NKAIN3: variants seen among roughly 807,000 people sequenced by gnomAD.
NKAIN3 encodes sodium/potassium transporting ATPase interacting 3.
NKAIN3 carries 25 observed loss-of-function variants against 30.2 expected under a neutral mutation model. The observed-to-expected ratio is 0.83, with a 90% CI of 0.60 to 1.16. The LOEUF (loss-of-function observed/expected upper bound fraction) is 1.16. Among genes scored for constraint, NKAIN3 ranks in the 50% most tolerant of loss-of-function variants. The probability of loss-of-function intolerance (pLI) is 0.00; values close to 1 mark genes in which losing one functional copy is unlikely to be tolerated. For missense variants in NKAIN3, 225 were observed against 254.1 expected, an observed-to-expected ratio of 0.89 and a Z score of 0.78; for synonymous variants, 91 against 89.6, an observed-to-expected ratio of 1.02 and a Z score of -0.09.
At chr8:62,783,325 TGCAAGAAATCA>T (rs1817416760) in intron 4 of NKAIN3, among the ~76,000 whole-genome samples, 1 of 152,110 alleles carries the variant, frequency 6.6e-6, no homozygotes. Flanking sequence ...GTGAAGTCAC[TGCAAGAAATCA>T]GCAGTCTGCA....
chr8:62,855,521 G>T, intron 4 of NKAIN3: 1 of 1,436,172 alleles, frequency 7.0e-7, no homozygotes, highest in Non-Finnish European at 9.8e-7. Flanking sequence ...GTAATCTGGT[G>T]GGTAAACAAG....
intron 1 of NKAIN3, among the ~76,000 whole-genome samples, chr8:62,480,014 CTT>C (rs1207954237): frequency 5.3e-5 from 8 of 152,096 alleles, no homozygotes; most frequent in Non-Finnish European, 1.2e-4. Flanking sequence ...TAAAGGAACA[CTT>C]TGTTTTTATA....
At chr8:62,858,130 A>T (rs1820119166) in intron 4 of NKAIN3, among the ~76,000 whole-genome samples, 1 of 151,978 alleles carries the variant, frequency 6.6e-6, no homozygotes, top group African/African-American at 2.4e-5. Flanking sequence ...GTTTGCTGGG[A>T]GTCTGCTCCA....
chr8:62,663,262 G>T (rs1812998912), intron 3 of NKAIN3, among the ~76,000 whole-genome samples: 1 of 152,176 alleles, frequency 6.6e-6, no homozygotes, highest in African/African-American at 2.4e-5. Flanking sequence ...AGAGTGGCAT[G>T]ATCTGGCCTG....
intron 1 of NKAIN3, among the ~76,000 whole-genome samples, chr8:62,406,645 G>A (rs1036401627): frequency 6.6e-6 from 1 of 152,046 alleles, no homozygotes; most frequent in East Asian, 1.9e-4. Flanking sequence ...TATACATTGA[G>A]ATACCATTTA....
chr8:62,610,877 A>G (rs1422496184), intron 3 of NKAIN3, among the ~76,000 whole-genome samples: 3 of 152,086 alleles, frequency 2.0e-5, no homozygotes, highest in African/African-American at 7.2e-5. Flanking sequence ...TACGTTTTTT[A>G]CTATGTTCTT....
chr8:62,499,450 A>C (rs1241378970), intron 1 of NKAIN3, among the ~76,000 whole-genome samples: 1 of 152,212 alleles, frequency 6.6e-6, no homozygotes, highest in Non-Finnish European at 1.5e-5. Context: ...AATGATTCCC[A>C]AAACCAACTT....
intron 1 of NKAIN3, among the ~76,000 whole-genome samples, chr8:62,570,994 G>A (rs1026400555): frequency 1.3e-5 from 2 of 152,094 alleles, no homozygotes; most frequent in African/African-American, 4.8e-5. Flanking sequence ...TCTAGCCTAC[G>A]AATTCATGTG....
chr8:62,612,033 A>G (rs1811310049), intron 3 of NKAIN3, among the ~76,000 whole-genome samples: 1 of 152,052 alleles, frequency 6.6e-6, no homozygotes, highest in South Asian at 2.1e-4. Flanking sequence ...CATTTCTCTG[A>G]TGATCAATGA....
intron 3 of NKAIN3, among the ~76,000 whole-genome samples, chr8:62,744,552 G>T (rs1356545817): frequency 6.6e-6 from 1 of 152,186 alleles, no homozygotes; most frequent in African/African-American, 2.4e-5. Context: ...TGAATTTTGA[G>T]ATCATGCTAG....
intron 1 of NKAIN3, among the ~76,000 whole-genome samples, chr8:62,525,733 A>G: frequency 6.6e-6 from 1 of 152,112 alleles, no homozygotes; most frequent in East Asian, 1.9e-4. Flanking sequence ...TAACTGAAAA[A>G]CAACCCCCAA....
chr8:62,880,311 G>A (rs909157427), intron 4 of NKAIN3, among the ~76,000 whole-genome samples: 1 of 152,150 alleles, frequency 6.6e-6, no homozygotes, highest in Non-Finnish European at 1.5e-5. Context: ...GAAGCCAGGG[G>A]ACTGAATTCA....
At chr8:62,400,521 G>A (rs1168450762) in intron 1 of NKAIN3, among the ~76,000 whole-genome samples, 1 of 152,070 alleles carries the variant, frequency 6.6e-6, no homozygotes, top group African/African-American at 2.4e-5. Context: ...TTGACTAGAA[G>A]TATGAACCAT....
chr8:62,962,475 G>A (rs191346795), intron 6 of NKAIN3, among the ~76,000 whole-genome samples: 25 of 152,278 alleles, frequency 1.6e-4, no homozygotes, highest in East Asian at 1.2e-3. Context: ...CTAATGAATA[G>A]GTAAAAAGAA....
At chr8:62,532,215 C>T (rs150545242) in intron 1 of NKAIN3, among the ~76,000 whole-genome samples, 133 of 152,218 alleles carry the variant, frequency 8.7e-4, no homozygotes, top group African/African-American at 3.2e-3. Flanking sequence ...CATGCCATCA[C>T]ACTGATAAGG....
chr8:62,286,393 T>C (rs1202941918), intron 1 of NKAIN3, among the ~76,000 whole-genome samples: 1 of 152,170 alleles, frequency 6.6e-6, no homozygotes, highest in Non-Finnish European at 1.5e-5. Flanking sequence ...CAGTATTTTT[T>C]TTTAAATGAA....
intron 4 of NKAIN3, among the ~76,000 whole-genome samples, chr8:62,914,777 C>CTTTTTTT (rs34474788): frequency 4.5e-5 from 5 of 112,186 alleles, no homozygotes; most frequent in Admixed American, 9.0e-5. Context: ...TTACTGTAAT[C>CTTTTTTT]TTTTTTTTTT....
intron 4 of NKAIN3, among the ~76,000 whole-genome samples, chr8:62,751,814 C>CTGTGTGTGTGTGTGTGTGTG (rs3032932): frequency 7.4e-4 from 108 of 146,676 alleles, no homozygotes; most frequent in African/African-American, 2.3e-3. Flanking sequence ...TACTAAAAAA[C>CTGTGTGTGTGTGTGTGTGTG]TGTGTGTGTG....
In NKAIN3 at chr8:62,969,912, T is replaced by G. The variant is rs563782891; in HGVS notation, c.*4505T>G. Among the ~76,000 whole-genome samples the G allele has an allele frequency of 2.4e-4, 37 of 152,200 alleles. No homozygotes were observed. The highest frequency in any genetic ancestry group is 6.8e-3 in the Middle Eastern group (2 of 294). On this transcript the variant is annotated 3_prime_UTR_variant, in exon 7 of 7. Transcript: ENST00000623646. ...GTGAACAATTTAGAAAGGGAACAGA[T>G]GACCAGACACAGTGGCTCATGCCTG...
Sources: gnomAD v4.1 joint callset for allele counts (sites outside exome capture counted in the v4.1 genomes callset) on GRCh38, gnomAD v4.1.1 for gene constraint, MANE v1.5 for transcripts, NCBI Gene and HGNC (gene_info 2026-07-23, HGNC 2026-07-21) for gene names.